The following PCDH15 variants were observed in gnomAD, a reference collection of about 807,000 sequenced individuals.
PCDH15 encodes the protein protocadherin related 15.
A neutral mutation model predicts 178.5 loss-of-function variants in PCDH15; 129 were observed. The ratio of observed to expected loss-of-function variants is 0.72; its 90% CI spans 0.63 to 0.84. The LOEUF is 0.84. PCDH15 is among the 40% of genes least tolerant of loss of function. The pLI is 0.00. For synonymous variants in PCDH15, 800 were observed against 732.0 expected, an observed-to-expected ratio of 1.09 and a Z score of -1.50; for missense variants, 2,230 against 2,099.9, an observed-to-expected ratio of 1.06 and a Z score of -1.21.
At chr10:55,432,575 G>T (rs1838909010) in intron 2 of PCDH15, among the ~76,000 whole-genome samples, 1 of 152,040 alleles carries the variant, frequency 6.6e-6, no homozygotes, top group South Asian at 2.1e-4. Flanking sequence ...AAATTAGATT[G>T]ATTCTGGGTA....
chr10:55,586,987 T>C (rs186014837), intron 2 of PCDH15, among the ~76,000 whole-genome samples: 1 of 152,254 alleles, frequency 6.6e-6, no homozygotes, highest in Admixed American at 6.5e-5. Flanking sequence ...AGAACCAGGT[T>C]AAAGTGGGAA....
At chr10:54,547,946 A>G (rs1590037747) in intron 2 of PCDH15, among the ~76,000 whole-genome samples, 1 of 151,756 alleles carries the variant, frequency 6.6e-6, no homozygotes, top group East Asian at 1.9e-4. Context: ...AAGATTTGAT[A>G]TGATATTAAA....
chr10:53,931,170 G>A (rs2593130), intron 25 of PCDH15, among the ~76,000 whole-genome samples: 7,116 of 152,192 alleles, frequency 0.047, 513 homozygotes, highest in African/African-American at 0.16. Context: ...TTCAAGTACT[G>A]GGAGGAAGCT....
At chr10:54,600,746 C>T (rs915281535) in intron 2 of PCDH15, 1 of 500,832 alleles carries the variant, frequency 2.0e-6, no homozygotes. Context: ...TGATTGACAG[C>T]TTCAAAACAG....
intron 3 of PCDH15, among the ~76,000 whole-genome samples, chr10:54,517,181 T>A (rs551524519): frequency 6.6e-6 from 1 of 152,230 alleles, no homozygotes; most frequent in East Asian, 1.9e-4. Context: ...GCTAACATCA[T>A]AATGACATGA....
intron 15 of PCDH15, among the ~76,000 whole-genome samples, chr10:54,129,299 T>G (rs2042233287): frequency 6.6e-6 from 1 of 152,162 alleles, no homozygotes; most frequent in Admixed American, 6.5e-5. Context: ...CAATACATAT[T>G]ATAGTAAAAA....
chr10:54,223,981 A>T (rs1189754392), intron 9 of PCDH15, among the ~76,000 whole-genome samples: 1 of 152,182 alleles, frequency 6.6e-6, no homozygotes, highest in Non-Finnish European at 1.5e-5. Context: ...TTAATGCTTC[A>T]TACATTTGAA....
chr10:54,840,097 C>T (rs1007675008), intron 3 of PCDH15, among the ~76,000 whole-genome samples: 3 of 151,826 alleles, frequency 2.0e-5, no homozygotes, highest in Non-Finnish European at 4.4e-5. Flanking sequence ...AGTAACAACA[C>T]GAAAATATAT....
chr10:54,248,807 A>G (rs962648173), intron 8 of PCDH15, among the ~76,000 whole-genome samples: 4 of 152,082 alleles, frequency 2.6e-5, no homozygotes, highest in African/African-American at 9.6e-5. Flanking sequence ...CAAGTATCAA[A>G]TGTGATACTG....
chr10:53,922,368 T>C (rs1203891262), intron 25 of PCDH15, among the ~76,000 whole-genome samples: 2 of 152,198 alleles, frequency 1.3e-5, no homozygotes, highest in African/African-American at 2.4e-5. Flanking sequence ...TTTTCTGATA[T>C]GATAGTCCTT....
At chr10:55,279,434 G>A (rs1177517462) in intron 1 of PCDH15, among the ~76,000 whole-genome samples, 1 of 152,172 alleles carries the variant, frequency 6.6e-6, no homozygotes, top group Middle Eastern at 3.2e-3. Flanking sequence ...CCTTTGAAAT[G>A]AACTTTGAGA....
chr10:54,783,354 AAC>A (rs1950549530), intron 1 of PCDH15, among the ~76,000 whole-genome samples: 1 of 152,130 alleles, frequency 6.6e-6, no homozygotes, highest in Non-Finnish European at 1.5e-5. Flanking sequence ...TGAGGGCTTT[AAC>A]CATAAAGTAG....
At chr10:54,901,170 G>C (rs1470311888) in intron 2 of PCDH15, among the ~76,000 whole-genome samples, 1 of 152,046 alleles carries the variant, frequency 6.6e-6, no homozygotes, top group Non-Finnish European at 1.5e-5. Context: ...AATTAGCCTG[G>C]TGTGGTGGCG....
At chr10:54,358,043 C>A (rs901304717) in intron 5 of PCDH15, among the ~76,000 whole-genome samples, 2 of 147,988 alleles carry the variant, frequency 1.4e-5, no homozygotes, top group African/African-American at 5.3e-5. Flanking sequence ...AAACATTAGA[C>A]CTTAAACGAT....
At chr10:55,602,284 A>G (rs1413167717) in intron 2 of PCDH15, among the ~76,000 whole-genome samples, 2 of 152,062 alleles carry the variant, frequency 1.3e-5, no homozygotes, top group Non-Finnish European at 2.9e-5. Flanking sequence ...CTGACATCAA[A>G]CTGCAAGGCG....
chr10:55,257,749 G>C (rs1475215127), intron 1 of PCDH15, among the ~76,000 whole-genome samples: 1 of 152,042 alleles, frequency 6.6e-6, no homozygotes, highest in African/African-American at 2.4e-5. Context: ...ACATCTGATT[G>C]GTGTACCTGA....
At chr10:54,602,743 A>C (rs2092595338) in intron 2 of PCDH15, among the ~76,000 whole-genome samples, 2 of 151,894 alleles carry the variant, frequency 1.3e-5, no homozygotes, top group Non-Finnish European at 2.9e-5. Context: ...TTTGTGTTTC[A>C]TTCTGTTTAT....
chr10:54,548,066 A>G (rs1590038323), intron 2 of PCDH15, among the ~76,000 whole-genome samples: 1 of 147,186 alleles, frequency 6.8e-6, no homozygotes, highest in Non-Finnish European at 1.5e-5. Context: ...GCGCCACTGC[A>G]CTCCAGCCTG....
At chr10:55,406,578 G>C (rs1464607676) in intron 2 of PCDH15, among the ~76,000 whole-genome samples, 1 of 152,168 alleles carries the variant, frequency 6.6e-6, no homozygotes, top group Non-Finnish European at 1.5e-5. Context: ...AATAGCAGAT[G>C]TACCAGCTTT....
Sources: gnomAD v4.1 joint callset for allele counts (sites outside exome capture counted in the v4.1 genomes callset) on GRCh38, gnomAD v4.1.1 for gene constraint, MANE v1.5 for transcripts, NCBI Gene and HGNC (gene_info 2026-07-23, HGNC 2026-07-21) for gene names.